Variants in KDM2B observed in about 807,000 individuals in gnomAD.
The protein encoded by KDM2B is lysine demethylase 2B.
Under a neutral mutation model 150.0 loss-of-function variants are expected in KDM2B, and 26 were observed. That is an observed-to-expected ratio of 0.17 (90% CI 0.13 to 0.24). KDM2B has a LOEUF of 0.24. Among genes scored for constraint, KDM2B ranks in the 10% least tolerant of loss-of-function variants. The pLI, the probability that KDM2B is intolerant of heterozygous loss-of-function variation, is 1.00. For synonymous variants in KDM2B, 734 were observed against 729.5 expected (o/e 1.01, Z -0.10); for missense variants, 1,265 against 1,816.9 (o/e 0.70, Z 5.52).
At chr12:121,494,702 G>A (rs1555300580) in intron 11 of KDM2B, 37 bp from the exon 12 acceptor site, 2 of 1,530,534 alleles carry the variant, frequency 1.3e-6, no homozygotes, top group South Asian at 1.2e-5. Context: ...AGCCCAGGGG[G>A]AAGGGGAGGT....
rs112083423 is a variant in KDM2B, at chr12:121,452,636, C to G, written c.1959+484G>C. On this transcript the variant is annotated intron_variant, in intron 13 of 22. Transcript: ENST00000377071. The surrounding 1 kb of genome is among the most constrained non-coding windows in gnomAD (Gnocchi z 4.4). ...CCACTGCCCTGTCTGGGGACGAGACCAGCGGCGCGGGGCCACTGCCGGAGC... is the reference window on the plus strand; with the variant it reads ...CCACTGCCCTGTCTGGGGACGAGACGAGCGGCGCGGGGCCACTGCCGGAGC... 0.011 allele frequency among the ~76,000 whole-genome samples: 1,722 copies of G among 152,372 alleles called. 38 individuals carry two copies. The highest frequency in any genetic ancestry group is 0.039 in the African/African-American group (1,631 of 41,578).
At chr12:121,470,257 C>T (rs1458080258) in intron 12 of KDM2B, 2 of 152,150 alleles carry the variant, frequency 1.3e-5, no homozygotes, top group Admixed American at 1.3e-4. Context: ...TAAAAAAACA[C>T]AATTCTCAAC....
rs1374972745 is a variant in KDM2B at position 121,533,379 on chromosome 12, T to C, written c.778-420A>G. On this transcript the variant is annotated intron_variant, in intron 7 of 22. Coordinates refer to ENST00000377071, the MANE Select transcript of KDM2B (RefSeq NM_032590.5). This position sits in a 1 kb window ranked among gnomAD's most constrained non-coding sequence, Gnocchi z 4.1. The stretch of plus-strand genomic sequence containing the variant: ...GGAAAAACATCTGGAATCAAGTGGG[T>C]TGACTTCCTCCCAGAATTTCTTCCA... Among the ~76,000 whole-genome samples the C allele has an allele frequency of 2.0e-5, 3 of 152,126 alleles. No homozygotes were observed. The highest frequency in any genetic ancestry group is 4.4e-5 in the Non-Finnish European group (3 of 68,030).
chr12:121,442,425 G>A lies in KDM2B; in HGVS notation c.3016C>T (p.Arg1006Trp), dbSNP rs1555288648. Reference protein sequence around the residue: ...RFSKGLNGTPRELRHQLGPSL... With the variant: ...RFSKGLNGTPWELRHQLGPSL... Reference sequence around the variant, plus strand: ...GGCCCCAGCTGGTGCCGCAGCTCCCGGGGGGTGCCGTTGAGCCCCTTGCTG... The same window carrying A: ...GGCCCCAGCTGGTGCCGCAGCTCCCAGGGGGTGCCGTTGAGCCCCTTGCTG... The change falls in exon 19 of 23, where the codon CGG (arginine) becomes TGG (tryptophan). Residue 1006 changes from arginine (R) to tryptophan (W), a missense_variant. Physicochemically the swap from Arg to Trp is moderately radical, Grantham distance 101 (BLOSUM62 -3). Transcript: ENST00000377071. This position sits in a 1 kb window ranked among gnomAD's most constrained non-coding sequence, Gnocchi z 7.7. 6.9e-6 allele frequency: 11 copies of A among 1,597,922 alleles called. No individual in the cohort carries two copies. The highest frequency in any genetic ancestry group is 1.7e-4 in the Middle Eastern group (1 of 5,728).
At chr12:121,569,752 T>C (rs1555315621) in intron 4 of KDM2B, among the ~76,000 whole-genome samples, 1 of 152,150 alleles carries the variant, frequency 6.6e-6, no homozygotes, top group Non-Finnish European at 1.5e-5. Context: ...ACTTGAACAT[T>C]CATCGCTCCA....
At chr12:121,579,017 C>A in intron 1 of KDM2B, 71 bp from the exon 2 acceptor site, 1 of 1,514,836 alleles carries the variant, frequency 6.6e-7, no homozygotes, top group Admixed American at 1.8e-5. Context: ...AACCTGGGCC[C>A]AGCACTAACA....
chr12:121,540,338 G>A (rs1888508850), intron 6 of KDM2B, among the ~76,000 whole-genome samples: 1 of 152,124 alleles, frequency 6.6e-6, no homozygotes, highest in Non-Finnish European at 1.5e-5. Flanking sequence ...ACACAGGGAT[G>A]ATCATTTATA....
chr12:121,508,712 T>C (rs1406288223), intron 11 of KDM2B, among the ~76,000 whole-genome samples: 1 of 152,194 alleles, frequency 6.6e-6, no homozygotes, highest in Non-Finnish European at 1.5e-5. Flanking sequence ...ACTTACTGTG[T>C]GACCTCAGGC....
At chr12:121,469,152 T>TC (rs1880456226) in intron 12 of KDM2B, 1 of 151,108 alleles carries the variant, frequency 6.6e-6, no homozygotes, top group African/African-American at 2.4e-5. Flanking sequence ...CACCTCAGCC[T>TC]CCCAAAGTGC....
chr12:121,509,936 G>A lies in KDM2B; in HGVS notation c.1278C>T (p.Asp426=), dbSNP rs781975292. The A allele has an allele frequency of 1.3e-5, 21 of 1,612,374 alleles. No individual in the cohort carries two copies. Among genetic ancestry groups the A allele is most frequent in the Admixed American group, 3.3e-5 (2 of 59,934 alleles). ...DQQPQEEEEK[D]EEGEGRDRAP... is the part of the protein sequence containing the mutation. ...CCCTGTCCCTGCCCTCGCCCTCCTC[G>A]TCCTTCTCCTCCTCCTCCTGAGGCT... The change falls in exon 11 of 23, where the codon GAC becomes GAT. Residue 426 remains aspartate, a synonymous_variant. Transcript: ENST00000377071.
At chr12:121,523,591 G>A (rs1167121672) in intron 8 of KDM2B, among the ~76,000 whole-genome samples, 1 of 152,212 alleles carries the variant, frequency 6.6e-6, no homozygotes, top group Non-Finnish European at 1.5e-5. Context: ...TGGGAGCAAC[G>A]CTCCTGCCTG....
chr12:121,445,623 G>A (rs1430114170), intron 13 of KDM2B, among the ~76,000 whole-genome samples: 1 of 152,172 alleles, frequency 6.6e-6, no homozygotes, highest in African/African-American at 2.4e-5. Context: ...TAATTGCTGG[G>A]GATACAGCAA....
chr12:121,437,536 C>G (rs1555287080), intron 22 of KDM2B, among the ~76,000 whole-genome samples: 1 of 151,608 alleles, frequency 6.6e-6, no homozygotes, highest in African/African-American at 2.4e-5. Flanking sequence ...AGTATATGGG[C>G]TGCCAAAGCA....
intron 6 of KDM2B, among the ~76,000 whole-genome samples, chr12:121,543,842 G>A (rs1555310129): frequency 6.6e-6 from 1 of 151,070 alleles, no homozygotes; most frequent in East Asian, 2.0e-4. Flanking sequence ...AATTAGGCCA[G>A]GAGTAGTGGC....
chr12:121,543,327 G>A, intron 6 of KDM2B, among the ~76,000 whole-genome samples: 1 of 152,170 alleles, frequency 6.6e-6, no homozygotes, highest in East Asian at 1.9e-4. Context: ...CTGCGCTCCA[G>A]CCTGGGCGAC....
At chr12:121,435,034 A>AG (rs1873745515) in intron 22 of KDM2B, among the ~76,000 whole-genome samples, 1 of 110,374 alleles carries the variant, frequency 9.1e-6, no homozygotes, top group African/African-American at 3.6e-5. Flanking sequence ...CAGCCAACAA[A>AG]GGGAAAAAAA....
chr12:121,579,649 A>G, intron 1 of KDM2B: 1 of 1,340,116 alleles, frequency 7.5e-7, no homozygotes, highest in Non-Finnish European at 9.8e-7. Context: ...GCGCGCGCAC[A>G]CTCACTTCCT....
At chr12:121,523,219 G>A (rs1360942197) in intron 8 of KDM2B, among the ~76,000 whole-genome samples, 1 of 152,244 alleles carries the variant, frequency 6.6e-6, no homozygotes, top group Non-Finnish European at 1.5e-5. Flanking sequence ...CTGCATCAAA[G>A]GTTCTGCACA....
intron 1 of KDM2B, 176 bp from the exon 2 acceptor site, chr12:121,579,122 G>T (rs1261920525): frequency 1.4e-6 from 1 of 693,722 alleles, no homozygotes; most frequent in African/African-American, 1.8e-5. Context: ...CAAGGAGAGG[G>T]GCCCGCACCC....
Sources: gnomAD v4.1 joint callset for allele counts (sites outside exome capture counted in the v4.1 genomes callset) on GRCh38, gnomAD v4.1.1 for gene constraint, Gnocchi (gnomAD v3.1) non-coding constraint, MANE v1.5 for transcripts, NCBI Gene and HGNC (gene_info 2026-07-23, HGNC 2026-07-21) for gene names.